The following ZNF277 variants were observed in gnomAD, a reference collection of about 807,000 sequenced individuals.
The protein encoded by ZNF277 is zinc finger protein 277, also known as nuclear receptor-interacting factor 4.
ZNF277 carries 55 observed loss-of-function variants against 60.7 expected under a neutral mutation model. The observed-to-expected ratio is 0.91, with a 90% CI of 0.73 to 1.13. The LOEUF (loss-of-function observed/expected upper bound fraction) is 1.13. Among genes scored for constraint, ZNF277 ranks in the 50% most tolerant of loss-of-function variants. The pLI is 0.00. For synonymous variants in ZNF277, 178 were observed against 179.3 expected, an observed-to-expected ratio of 0.99 and a Z score of 0.06; for missense variants, 510 against 523.0, an observed-to-expected ratio of 0.98 and a Z score of 0.24.
At chr7:112,337,588 T>C (rs753830700) in intron 8 of ZNF277, 142 bp from the exon 9 acceptor site, 13 of 555,512 alleles carry the variant, frequency 2.3e-5, no homozygotes, top group Admixed American at 9.2e-5. Context: ...CATAATATGA[T>C]GTGACAGTCT....
chr7:112,273,949 A>G (rs1266763587), intron 1 of ZNF277, among the ~76,000 whole-genome samples: 1 of 152,090 alleles, frequency 6.6e-6, no homozygotes, highest in Non-Finnish European at 1.5e-5. Flanking sequence ...GAAAGTTTCT[A>G]TCTCATATAC....
At chr7:112,216,674 A>G (rs1023162742) in intron 1 of ZNF277, among the ~76,000 whole-genome samples, 1 of 152,190 alleles carries the variant, frequency 6.6e-6, no homozygotes, top group Non-Finnish European at 1.5e-5. Context: ...TGAGGGAGTG[A>G]GATTATGTTA....
At chr7:112,256,669 C>A (rs953026529) in intron 1 of ZNF277, among the ~76,000 whole-genome samples, 1 of 152,076 alleles carries the variant, frequency 6.6e-6, no homozygotes, top group Non-Finnish European at 1.5e-5. Flanking sequence ...TGGTCTCAAA[C>A]TCCTGACCTC....
chr7:112,217,929 C>G (rs535634171), intron 1 of ZNF277, among the ~76,000 whole-genome samples: 1 of 152,276 alleles, frequency 6.6e-6, no homozygotes, highest in South Asian at 2.1e-4. Flanking sequence ...CAGAAACTGA[C>G]TTAGCGCAAG....
intron 4 of ZNF277, among the ~76,000 whole-genome samples, chr7:112,304,244 C>T (rs1248039600): frequency 6.6e-6 from 1 of 152,104 alleles, no homozygotes; most frequent in Non-Finnish European, 1.5e-5. Context: ...CTGCCTTATA[C>T]ATGCAGAGCT....
At chr7:112,242,928 G>A (rs1345971030) in intron 1 of ZNF277, among the ~76,000 whole-genome samples, 1 of 151,916 alleles carries the variant, frequency 6.6e-6, no homozygotes, top group East Asian at 1.9e-4. Flanking sequence ...ATAATGCAAG[G>A]CTACTAAGCA....
At chr7:112,297,756 A>G (rs1219367288) in intron 4 of ZNF277, among the ~76,000 whole-genome samples, 1 of 152,150 alleles carries the variant, frequency 6.6e-6, no homozygotes, top group Non-Finnish European at 1.5e-5. Flanking sequence ...ATAATTTCCA[A>G]TTTACATGAA....
chr7:112,219,232 C>T (rs1317656098), intron 1 of ZNF277, among the ~76,000 whole-genome samples: 1 of 152,056 alleles, frequency 6.6e-6, no homozygotes, highest in Non-Finnish European at 1.5e-5. Context: ...TCTTCATATA[C>T]CTGTTAGCTT....
chr7:112,254,590 A>T (rs1791267832), intron 1 of ZNF277, among the ~76,000 whole-genome samples: 1 of 152,214 alleles, frequency 6.6e-6, no homozygotes, highest in African/African-American at 2.4e-5. Context: ...GTTAAAATAA[A>T]TATGGCATTA....
chr7:112,342,769 T>G lies in ZNF277; in HGVS notation c.*40T>G. 7.1e-7 allele frequency: 1 copy of G among 1,406,600 alleles called. No individual in the cohort carries two copies. Among genetic ancestry groups the G allele is most frequent in the Non-Finnish European group, 9.4e-7 (1 of 1,065,544 alleles). 87.1% of individuals were successfully genotyped at this position (1,406,600 alleles called of 1,614,324 possible). On this transcript the variant is annotated 3_prime_UTR_variant, in exon 12 of 12. Transcript: ENST00000361822. The stretch of plus-strand genomic sequence containing the variant: ...CTAGAAGAAACTACCACAGAAGCAA[T>G]TTTTCATGTTTTTCTCCTATGAGAC...
chr7:112,342,652 G>T lies in ZNF277; in HGVS notation c.1276G>T (p.Val426Phe). The T allele has an allele frequency of 6.2e-7, 1 of 1,612,756 alleles. No homozygotes were observed. Among genetic ancestry groups the T allele is most frequent in the Non-Finnish European group, 8.5e-7 (1 of 1,179,832 alleles). ...DLTAQEQNENVPIISEDTSKL... is the reference protein window; with the variant it reads ...DLTAQEQNENFPIISEDTSKL... ...GACAGCTCAGGAACAAAATGAAAAT[G>T]TTCCCATCATCAGTGAAGATACATC... is the stretch of plus-strand genomic sequence containing the variant. Residue 426 changes from valine to phenylalanine, a missense_variant, in exon 12 of 12, where the codon GTT becomes TTT. Val to Phe is a conservative substitution (Grantham distance 50). Coordinates refer to ENST00000361822, the MANE Select transcript of ZNF277 (RefSeq NM_021994.3).
At chr7:112,266,339 G>A (rs1343653797) in intron 1 of ZNF277, among the ~76,000 whole-genome samples, 1 of 151,968 alleles carries the variant, frequency 6.6e-6, no homozygotes, top group African/African-American at 2.4e-5. Context: ...TAGAGACAGG[G>A]TTTCGCCATG....
intron 1 of ZNF277, among the ~76,000 whole-genome samples, chr7:112,242,524 A>G (rs1043372303): frequency 6.6e-6 from 1 of 151,112 alleles, no homozygotes; most frequent in African/African-American, 2.4e-5. Flanking sequence ...CTGAGAACCA[A>G]ATCAAGAAGT....
At chr7:112,337,126 G>A (rs1793349777) in intron 8 of ZNF277, among the ~76,000 whole-genome samples, 1 of 152,148 alleles carries the variant, frequency 6.6e-6, no homozygotes, top group African/African-American at 2.4e-5. Context: ...AGTTTTCCTG[G>A]TTTGGGAATG....
At chr7:112,219,894 C>A (rs1214165788) in intron 1 of ZNF277, among the ~76,000 whole-genome samples, 2 of 152,196 alleles carry the variant, frequency 1.3e-5, no homozygotes, top group East Asian at 3.9e-4. Context: ...GCCTTGGCCT[C>A]CCAAAGTGTT....
intron 1 of ZNF277, among the ~76,000 whole-genome samples, chr7:112,247,865 G>A (rs1791118998): frequency 6.6e-6 from 1 of 151,906 alleles, no homozygotes; most frequent in Non-Finnish European, 1.5e-5. Flanking sequence ...CTACTTGGGG[G>A]GCTGAGGCAG....
intron 4 of ZNF277, among the ~76,000 whole-genome samples, chr7:112,304,298 T>C (rs938656273): frequency 2.0e-5 from 3 of 152,140 alleles, no homozygotes; most frequent in Non-Finnish European, 4.4e-5. Context: ...ATTATTTGAG[T>C]ATATTGCTAA....
chr7:112,318,251 A>G lies in ZNF277; in HGVS notation c.535A>G (p.Asn179Asp). ...TNFHGVCMFC[N>D]EEFLGNRSVI... is the part of the protein sequence containing the mutation. ...TTTTCATGGCGTTTGTATGTTTTGC[A>G]ATGAAGAATTCCTTGGAAACAGGTT... The change falls in exon 5 of 12, where the codon AAT becomes GAT. Residue 179 changes from asparagine to aspartate, a missense_variant. Transcript: ENST00000361822. 1.2e-6 allele frequency: 2 copies of G among 1,613,350 alleles called. No homozygotes were observed. The highest frequency in any genetic ancestry group is 1.1e-5 in the South Asian group (1 of 91,020).
intron 1 of ZNF277, among the ~76,000 whole-genome samples, chr7:112,211,214 G>A (rs199980111): frequency 2.6e-5 from 4 of 152,154 alleles, no homozygotes; most frequent in East Asian, 1.9e-4. Flanking sequence ...CCTCATTCTT[G>A]TATTTCCTAT....
Sources: allele counts gnomAD v4.1 joint callset (sites outside exome capture counted in the v4.1 genomes callset), GRCh38; gene constraint gnomAD v4.1.1; transcripts MANE v1.5; gene names NCBI Gene and HGNC (gene_info 2026-07-23, HGNC 2026-07-21).